The following BBS7 variants were observed in gnomAD, a reference collection of about 807,000 sequenced individuals.
BBS7 encodes Bardet-Biedl syndrome 7, also known as BBSome complex member BBS7.
A neutral mutation model predicts 90.3 loss-of-function variants in BBS7; 50 were observed. The ratio of observed to expected loss-of-function variants is 0.55; its 90% CI spans 0.44 to 0.70. The LOEUF (loss-of-function observed/expected upper bound fraction) is 0.70. BBS7 is among the 30% of genes least tolerant of loss of function. The pLI, the probability that BBS7 is intolerant of heterozygous loss-of-function variation, is 0.00. For synonymous variants in BBS7, 235 were observed against 287.4 expected, an observed-to-expected ratio of 0.82 and a Z score of 1.85; for missense variants, 729 against 838.9, an observed-to-expected ratio of 0.87 and a Z score of 1.62.
At chr4:121,867,468 T>C (rs1727351202) in intron 2 of BBS7, among the ~76,000 whole-genome samples, 1 of 152,162 alleles carries the variant, frequency 6.6e-6, no homozygotes, top group Non-Finnish European at 1.5e-5. Flanking sequence ...AATTGTTGAT[T>C]CATCTTGCTA....
At chr4:121,864,869 A>C (rs1280891500) in intron 2 of BBS7, among the ~76,000 whole-genome samples, 1 of 152,210 alleles carries the variant, frequency 6.6e-6, no homozygotes, top group Non-Finnish European at 1.5e-5. Context: ...TAGCATATCC[A>C]TCATCTAAAA....
chr4:121,851,488 A>G (rs1726320696), intron 8 of BBS7, among the ~76,000 whole-genome samples: 1 of 151,838 alleles, frequency 6.6e-6, no homozygotes, highest in African/African-American at 2.4e-5. Context: ...AGGAAGAAAG[A>G]AAGAAAGAAA....
intron 5 of BBS7, among the ~76,000 whole-genome samples, chr4:121,858,127 C>T (rs904914454): frequency 6.6e-6 from 1 of 152,226 alleles, no homozygotes; most frequent in African/African-American, 2.4e-5. Context: ...TTTAACATTA[C>T]TTTGTCCCTG....
intron 1 of BBS7, among the ~76,000 whole-genome samples, chr4:121,869,102 G>A (rs1361580572): frequency 8.5e-5 from 13 of 152,110 alleles, no homozygotes; most frequent in Non-Finnish European, 1.9e-4. Flanking sequence ...CCCAAATGAG[G>A]GTAATAGAGA....
At chr4:121,847,993 CAT>C (rs1726108486) in intron 9 of BBS7, among the ~76,000 whole-genome samples, 1 of 151,916 alleles carries the variant, frequency 6.6e-6, no homozygotes, top group Non-Finnish European at 1.5e-5. Flanking sequence ...TAGTCCAAAA[CAT>C]AAAATAAATC....
At chr4:121,857,571 G>C (rs1289696326) in intron 5 of BBS7, among the ~76,000 whole-genome samples, 1 of 152,144 alleles carries the variant, frequency 6.6e-6, no homozygotes, top group African/African-American at 2.4e-5. Flanking sequence ...TGAGAAAAAA[G>C]CATGCGGTGC....
intron 3 of BBS7, among the ~76,000 whole-genome samples, chr4:121,862,889 T>G (rs1435984950): frequency 6.6e-6 from 1 of 152,180 alleles, no homozygotes; most frequent in African/African-American, 2.4e-5. Context: ...GACATCTAAA[T>G]TGCAGCTGTG....
intron 1 of BBS7, among the ~76,000 whole-genome samples, 191 bp downstream of exon 1, chr4:121,870,087 C>CG (rs1727502269): frequency 1.3e-5 from 2 of 152,196 alleles, no homozygotes; most frequent in Non-Finnish European, 2.9e-5. Flanking sequence ...CGCTTTTCCC[C>CG]GGTCCCCTCG....
rs34910805 is a variant in BBS7, at chr4:121,868,684, C to CAAAAAAAAAAAAAAAAAA, written c.37-656_37-639dup. 8.1e-5 allele frequency among the ~76,000 whole-genome samples: 4 copies of CAAAAAAAAAAAAAAAAAA among 49,688 alleles called. 2 individuals are homozygous for CAAAAAAAAAAAAAAAAAA. The highest frequency in any genetic ancestry group is 1.8e-4 in the African/African-American group (2 of 11,064). The allele number at this position is 49,688 out of a possible 152,430, so 32.6% of individuals were successfully genotyped here. ...TGCGTGACAGAACAAGACCCTGTTTCAAAAAAAAAAAAAAAAAAAAAAAAA... is the reference window on the plus strand; with the variant it reads ...TGCGTGACAGAACAAGACCCTGTTTCAAAAAAAAAAAAAAAAAAAAAAAAAAAAAAAAAAAAAAAAAAA... On this transcript the variant is annotated intron_variant, in intron 1 of 18. Coordinates refer to ENST00000264499, the MANE Select transcript of BBS7 (RefSeq NM_176824.3).
Position 121,847,483 on chromosome 4 carries a change from C to A in BBS7, c.958G>T (p.Glu320Ter). 1 of 1,613,422 alleles carries A rather than the reference C, an allele frequency of 6.2e-7. No individual in the cohort carries two copies. ...GGTCCACTTTCCTTATGAATGGGCT[C>A]TGTTGTCAGACCTGTAACCCAGCCT... Reference protein sequence around the residue: ...YSGWVTGLTTEPIHKESGPGE... With the variant: ...YSGWVTGLTT The change falls in exon 10 of 19, where the codon GAG becomes TAG. Residue 320 changes from glutamate (E) to a stop codon, truncating the protein, a stop_gained. Transcript: ENST00000264499. LOFTEE classifies it high-confidence loss of function.
chr4:121,858,349 T>G (rs904945389), intron 5 of BBS7, among the ~76,000 whole-genome samples: 12 of 142,728 alleles, frequency 8.4e-5, no homozygotes, highest in African/African-American at 2.7e-4. Context: ...CCTTTAAACA[T>G]TATTTTAAGC....
chr4:121,863,504 T>C (rs564651438), intron 2 of BBS7, among the ~76,000 whole-genome samples: 1 of 152,140 alleles, frequency 6.6e-6, no homozygotes, highest in Non-Finnish European at 1.5e-5. Context: ...TTTGTTCCTA[T>C]AATGTTAATA....
chr4:121,841,852 T>A (rs1468018252), intron 12 of BBS7, among the ~76,000 whole-genome samples: 3 of 152,194 alleles, frequency 2.0e-5, no homozygotes, highest in Non-Finnish European at 2.9e-5. Flanking sequence ...GTAGGCCATA[T>A]CTTTTGTGTT....
In BBS7 at chr4:121,831,608, G is replaced by A. The variant is rs769901070; in HGVS notation, c.1676+1623C>T. Among the ~76,000 whole-genome samples, 6 of 152,314 alleles carry A rather than the reference G, an allele frequency of 3.9e-5. 1 individual carries two copies. The Middle Eastern group carries it at 0.017, about 432-fold the overall frequency. On this transcript the variant is annotated intron_variant, in intron 15 of 18. Transcript: ENST00000264499. ...TAATATGCTAGGGGCATGTTGAATT[G>A]TCTGCTATGATTAATGTGTGAGGTT...
At chr4:121,866,173 CT>C (rs1458291043) in intron 2 of BBS7, among the ~76,000 whole-genome samples, 5 of 152,034 alleles carry the variant, frequency 3.3e-5, no homozygotes, top group South Asian at 2.1e-4. Context: ...TATAGATTGT[CT>C]TTTCACTCTT....
intron 14 of BBS7, 81 bp downstream of exon 14, chr4:121,835,063 A>AT: frequency 6.9e-7 from 1 of 1,449,688 alleles, no homozygotes; most frequent in Non-Finnish European, 9.6e-7. Flanking sequence ...TGCTAACAGA[A>AT]TTTACACTAT....
intron 9 of BBS7, 139 bp downstream of exon 9, chr4:121,848,705 G>GA: frequency 1.5e-6 from 1 of 660,260 alleles, no homozygotes; most frequent in Non-Finnish European, 2.6e-6. Flanking sequence ...TTCCACTGGG[G>GA]GTCTTGGAAT....
intron 2 of BBS7, among the ~76,000 whole-genome samples, chr4:121,866,135 TA>T (rs1446886184): frequency 6.6e-6 from 1 of 152,180 alleles, no homozygotes; most frequent in East Asian, 1.9e-4. Context: ...GTTGGATGAG[TA>T]GTTTGCAAAT....
At chr4:121,845,784 T>G in intron 10 of BBS7, 88 bp from the exon 11 acceptor site, 1 of 1,290,180 alleles carries the variant, frequency 7.8e-7, no homozygotes, top group Non-Finnish European at 1.1e-6. Flanking sequence ...GACATTTGCT[T>G]TTACAAAATG....
Sources: gnomAD v4.1 joint callset for allele counts (sites outside exome capture counted in the v4.1 genomes callset) on GRCh38, gnomAD v4.1.1 for gene constraint, MANE v1.5 for transcripts, NCBI Gene and HGNC (gene_info 2026-07-23, HGNC 2026-07-21) for gene names.